Variants in GRID2 observed in about 807,000 individuals in gnomAD.
The protein encoded by GRID2 is glutamate ionotropic receptor delta type subunit 2.
GRID2 carries 33 observed loss-of-function variants against 114.8 expected under a neutral mutation model. That is an observed-to-expected ratio of 0.29 (90% CI 0.22 to 0.38). The LOEUF (loss-of-function observed/expected upper bound fraction) is 0.38, where lower values mean the gene tolerates loss of function less well. GRID2 is among the 10% of genes least tolerant of loss of function. The pLI is 1.00. For synonymous variants in GRID2, 505 were observed against 449.9 expected (o/e 1.12, Z -1.55); for missense variants, 1,184 against 1,257.7 (o/e 0.94, Z 0.89).
At chr4:92,944,531 C>T (rs748454781) in intron 2 of GRID2, among the ~76,000 whole-genome samples, 8 of 152,210 alleles carry the variant, frequency 5.3e-5, no homozygotes, top group African/African-American at 1.2e-4. Flanking sequence ...CCGGTTGAGG[C>T]GATGCCTCGC....
chr4:93,688,522 C>A (rs1024953569), intron 14 of GRID2, among the ~76,000 whole-genome samples: 13 of 151,956 alleles, frequency 8.6e-5, no homozygotes, highest in Non-Finnish European at 1.2e-4. Flanking sequence ...TGCCCAAAAG[C>A]ATAAGAGTAA....
At position 92,439,763 on chromosome 4, in the gene GRID2, G is replaced by T. The variant is rs1373386820; in HGVS notation, c.88+135019G>T. The stretch of plus-strand genomic sequence containing the variant: ...GACTCAGGACATCTGATGAGAGAGT[G>T]CCTAAGGAGATTCAGCATAGTCCTG... On this transcript the variant is annotated intron_variant, in intron 1 of 15. Coordinates refer to ENST00000282020, the MANE Select transcript of GRID2 (RefSeq NM_001510.4). 4.8e-5 allele frequency among the ~76,000 whole-genome samples: 7 copies of T among 146,070 alleles called. 2 individuals carry two copies. Among genetic ancestry groups the T allele is most frequent in the Non-Finnish European group, 1.1e-4 (7 of 64,666 alleles).
intron 2 of GRID2, among the ~76,000 whole-genome samples, chr4:93,068,521 T>C (rs1436773917): frequency 6.6e-6 from 1 of 152,004 alleles, no homozygotes; most frequent in African/African-American, 2.4e-5. Flanking sequence ...GTGAAAAGAG[T>C]TCAGGGAACT....
Position 93,515,318 on chromosome 4 carries a change from G to A in GRID2, c.2100G>A (p.Glu700=). Residue 700 remains glutamate, a synonymous_variant, in exon 13 of 16, where the codon GAG becomes GAA. Transcript: ENST00000282020. ...HVRMKGLNPF[E]RDSMYSQMWR... ...GCATGAAAGGACTGAATCCTTTTGAGAGGGACAGCATGTATTCCCAAATGT... is the reference window on the plus strand; with the variant it reads ...GCATGAAAGGACTGAATCCTTTTGAAAGGGACAGCATGTATTCCCAAATGT... 6.2e-7 allele frequency: 1 copy of A among 1,611,856 alleles called. No homozygotes were observed. Among genetic ancestry groups the A allele is most frequent in the Admixed American group, 1.7e-5 (1 of 59,934 alleles).
chr4:93,194,140 A>G (rs753838413), intron 4 of GRID2, among the ~76,000 whole-genome samples: 20 of 152,178 alleles, frequency 1.3e-4, no homozygotes, highest in Non-Finnish European at 2.8e-4. Context: ...GAATCCAATG[A>G]TGTATTTCAG....
intron 2 of GRID2, among the ~76,000 whole-genome samples, chr4:93,060,346 G>A (rs1378678559): frequency 6.6e-6 from 1 of 152,122 alleles, no homozygotes; most frequent in Non-Finnish European, 1.5e-5. Context: ...CCTCCCACAT[G>A]TGCAGATAGT....
At chr4:92,980,761 A>G (rs1029437058) in intron 2 of GRID2, among the ~76,000 whole-genome samples, 2 of 152,162 alleles carry the variant, frequency 1.3e-5, no homozygotes, top group African/African-American at 4.8e-5. Flanking sequence ...TGCAATGTAG[A>G]AAAGCATTGA....
At chr4:93,613,807 A>C (rs937112890) in intron 13 of GRID2, among the ~76,000 whole-genome samples, 7 of 151,948 alleles carry the variant, frequency 4.6e-5, no homozygotes, top group South Asian at 2.1e-4. Flanking sequence ...CTACAGAGGC[A>C]GGCAGGCCTC....
chr4:92,995,341 G>A (rs960851587), intron 2 of GRID2, among the ~76,000 whole-genome samples: 1 of 152,162 alleles, frequency 6.6e-6, no homozygotes, highest in Non-Finnish European at 1.5e-5. Flanking sequence ...TGGGAAGATG[G>A]AGTGAGGAGG....
intron 9 of GRID2, among the ~76,000 whole-genome samples, chr4:93,398,133 G>GTGTGTGTATGTGTATA: frequency 8.2e-6 from 1 of 122,336 alleles, no homozygotes; most frequent in African/African-American, 3.9e-5. Flanking sequence ...ATGTGTGTGT[G>GTGTGTGTATGTGTATA]TATATATATA....
At chr4:93,393,838 A>G (rs1765080337) in intron 8 of GRID2, among the ~76,000 whole-genome samples, 1 of 152,014 alleles carries the variant, frequency 6.6e-6, no homozygotes, top group Admixed American at 6.6e-5. Flanking sequence ...TAGGTTCACC[A>G]AAGTTAAGAG....
chr4:92,623,405 G>A (rs1730371313), intron 2 of GRID2, among the ~76,000 whole-genome samples: 1 of 151,010 alleles, frequency 6.6e-6, no homozygotes, highest in African/African-American at 2.4e-5. Context: ...ATCACTCTCT[G>A]GACTGGCTAA....
intron 2 of GRID2, among the ~76,000 whole-genome samples, chr4:92,942,697 G>T (rs1421965823): frequency 6.6e-6 from 1 of 152,158 alleles, no homozygotes; most frequent in East Asian, 1.9e-4. Context: ...TGTTTTTGCA[G>T]TGGCTGGTAC....
intron 14 of GRID2, among the ~76,000 whole-genome samples, chr4:93,765,137 A>G (rs962344078): frequency 1.3e-5 from 2 of 152,208 alleles, no homozygotes; most frequent in Non-Finnish European, 2.9e-5. Context: ...CTTGCTTTAC[A>G]TAATCTTTAA....
chr4:93,098,375 G>A (rs1288982145), intron 3 of GRID2, among the ~76,000 whole-genome samples: 2 of 151,900 alleles, frequency 1.3e-5, no homozygotes, highest in African/African-American at 4.8e-5. Flanking sequence ...AAGGCAATTG[G>A]CAGTCGTTCC....
intron 2 of GRID2, among the ~76,000 whole-genome samples, chr4:92,717,186 TG>T (rs1169482866): frequency 6.6e-6 from 1 of 152,066 alleles, no homozygotes; most frequent in East Asian, 1.9e-4. Context: ...TATGGACACT[TG>T]AAAATGCCCT....
intron 13 of GRID2, among the ~76,000 whole-genome samples, chr4:93,533,869 T>C (rs1731755401): frequency 6.6e-6 from 1 of 152,122 alleles, no homozygotes; most frequent in African/African-American, 2.4e-5. Flanking sequence ...GAACAGGTCA[T>C]TCTTCTGCTC....
chr4:93,336,300 CTA>C (rs1290519869), intron 8 of GRID2, among the ~76,000 whole-genome samples: 1 of 151,946 alleles, frequency 6.6e-6, no homozygotes, highest in Non-Finnish European at 1.5e-5. Flanking sequence ...CAATGATATT[CTA>C]TGTTTTTAAA....
chr4:92,889,621 G>T (rs1219630839), intron 2 of GRID2, among the ~76,000 whole-genome samples: 2 of 151,946 alleles, frequency 1.3e-5, no homozygotes. Context: ...ATGAGAGGAC[G>T]CAAACAAATG....
Sources: gnomAD v4.1 joint callset for allele counts (sites outside exome capture counted in the v4.1 genomes callset) on GRCh38, gnomAD v4.1.1 for gene constraint, MANE v1.5 for transcripts, NCBI Gene and HGNC (gene_info 2026-07-23, HGNC 2026-07-21) for gene names.